The following PTPRG variants were observed in gnomAD, a reference collection of about 807,000 sequenced individuals.
PTPRG encodes protein tyrosine phosphatase receptor type G.
PTPRG carries 102 observed loss-of-function variants against 165.3 expected under a neutral mutation model. The ratio of observed to expected loss-of-function variants is 0.62; its 90% CI spans 0.53 to 0.73. The LOEUF is 0.73. Among genes scored for constraint, PTPRG ranks in the 30% least tolerant of loss-of-function variants. The pLI, the probability that PTPRG is intolerant of heterozygous loss-of-function variation, is 0.00. For missense variants in PTPRG, 1,866 were observed against 1,861.4 expected (o/e 1.00, Z -0.05); for synonymous variants, 675 against 669.5 (o/e 1.01, Z -0.13).
chr3:62,096,961 T>G (rs1702139366), intron 5 of PTPRG, among the ~76,000 whole-genome samples: 1 of 152,206 alleles, frequency 6.6e-6, no homozygotes, highest in Non-Finnish European at 1.5e-5. Flanking sequence ...GTACACAGTT[T>G]ACTAGCCCAT....
chr3:61,662,229 A>T (rs1007210613), intron 1 of PTPRG, among the ~76,000 whole-genome samples: 1 of 152,224 alleles, frequency 6.6e-6, no homozygotes, highest in African/African-American at 2.4e-5. Context: ...CCTGATGAAC[A>T]TAATAAGGTT....
At chr3:62,132,805 A>G (rs903816278) in intron 6 of PTPRG, 137 bp downstream of exon 6, 14 of 800,864 alleles carry the variant, frequency 1.7e-5, no homozygotes, top group Non-Finnish European at 8.7e-6. Context: ...CATTAGAGCC[A>G]TTATATGATG....
At chr3:61,712,183 C>G (rs192906643) in intron 1 of PTPRG, among the ~76,000 whole-genome samples, 1 of 152,044 alleles carries the variant, frequency 6.6e-6, no homozygotes, top group Non-Finnish European at 1.5e-5. Context: ...TGTGAGCCAC[C>G]GCGCCCGGCC....
intron 5 of PTPRG, among the ~76,000 whole-genome samples, chr3:62,126,849 A>T (rs1048062886): frequency 6.6e-6 from 1 of 152,192 alleles, no homozygotes; most frequent in African/African-American, 2.4e-5. Flanking sequence ...GACTTATTTC[A>T]TGGCAGTTTG....
chr3:62,121,110 A>ATTT (rs67168345), intron 5 of PTPRG, among the ~76,000 whole-genome samples: 4 of 141,548 alleles, frequency 2.8e-5, no homozygotes, highest in South Asian at 2.3e-4. Flanking sequence ...AGCCTGGCTA[A>ATTT]TTTTTTTTTT....
At chr3:61,802,700 TCTGA>T (rs2035285185) in intron 2 of PTPRG, among the ~76,000 whole-genome samples, 2 of 152,198 alleles carry the variant, frequency 1.3e-5, no homozygotes, top group Admixed American at 6.5e-5. Flanking sequence ...TTTCTGACTT[TCTGA>T]CTGTCTGTCT....
intron 12 of PTPRG, among the ~76,000 whole-genome samples, chr3:62,209,901 G>A (rs1700317522): frequency 6.6e-6 from 1 of 152,174 alleles, no homozygotes; most frequent in African/African-American, 2.4e-5. Context: ...TGCAGCAGGT[G>A]GCATATTTGG....
At chr3:62,096,853 G>A (rs781601761) in intron 5 of PTPRG, among the ~76,000 whole-genome samples, 1 of 152,124 alleles carries the variant, frequency 6.6e-6, no homozygotes, top group African/African-American at 2.4e-5. Context: ...TAGCTGCATT[G>A]GGCTTTAATG....
At chr3:61,655,999 C>T (rs1702498326) in intron 1 of PTPRG, among the ~76,000 whole-genome samples, 1 of 151,820 alleles carries the variant, frequency 6.6e-6, no homozygotes, top group Non-Finnish European at 1.5e-5. Context: ...AGGATTGCTT[C>T]AGGCCCTGAG....
intron 15 of PTPRG, among the ~76,000 whole-genome samples, chr3:62,244,525 C>G (rs546794719): frequency 6.6e-6 from 1 of 152,286 alleles, no homozygotes; most frequent in East Asian, 1.9e-4. Context: ...TTTTAACTTT[C>G]TACGTCCTGG....
chr3:61,999,202 C>T (rs1016480550), intron 3 of PTPRG, among the ~76,000 whole-genome samples: 2 of 152,084 alleles, frequency 1.3e-5, no homozygotes, highest in Non-Finnish European at 2.9e-5. Flanking sequence ...CCCGCCACCA[C>T]ACCCGGCTAG....
chr3:61,665,158 A>G (rs760900524), intron 1 of PTPRG, among the ~76,000 whole-genome samples: 1 of 152,168 alleles, frequency 6.6e-6, no homozygotes, highest in African/African-American at 2.4e-5. Context: ...GGTAGGGGCT[A>G]ATCTTCACCA....
intron 14 of PTPRG, among the ~76,000 whole-genome samples, chr3:62,231,788 G>A (rs193026138): frequency 4.0e-5 from 6 of 151,736 alleles, no homozygotes; most frequent in Admixed American, 2.6e-4. Context: ...AAACATGGAT[G>A]TACTATGTGT....
chr3:61,782,972 A>G (rs975953716), intron 2 of PTPRG, among the ~76,000 whole-genome samples: 1 of 151,992 alleles, frequency 6.6e-6, no homozygotes, highest in South Asian at 2.1e-4. Context: ...CTGGCTAATT[A>G]AAACAAATTT....
At chr3:62,236,610 A>G (rs1701039400) in intron 14 of PTPRG, among the ~76,000 whole-genome samples, 1 of 152,216 alleles carries the variant, frequency 6.6e-6, no homozygotes, top group African/African-American at 2.4e-5. Flanking sequence ...TCTAGTCTGC[A>G]ATTAGAATTT....
At chr3:61,851,490 A>G (rs1435261753) in intron 2 of PTPRG, among the ~76,000 whole-genome samples, 3 of 151,908 alleles carry the variant, frequency 2.0e-5, no homozygotes, top group African/African-American at 7.2e-5. Flanking sequence ...TAAACTGACC[A>G]ATATATCTCA....
intron 3 of PTPRG, among the ~76,000 whole-genome samples, chr3:61,993,130 A>G (rs2040937416): frequency 6.6e-6 from 1 of 152,124 alleles, no homozygotes; most frequent in Non-Finnish European, 1.5e-5. Context: ...CACATTGAAT[A>G]ATATTGATAG....
At chr3:62,232,425 A>G (rs1471952816) in intron 14 of PTPRG, among the ~76,000 whole-genome samples, 2 of 152,228 alleles carry the variant, frequency 1.3e-5, no homozygotes, top group African/African-American at 4.8e-5. Context: ...AGAAACTGAA[A>G]TAGAAATTTC....
At chr3:61,646,448 C>T (rs542837373) in intron 1 of PTPRG, among the ~76,000 whole-genome samples, 1 of 152,280 alleles carries the variant, frequency 6.6e-6, no homozygotes, top group East Asian at 1.9e-4. Context: ...CCTTCTTTGT[C>T]CAAAACTCTT....
Sources: gnomAD v4.1 joint callset for allele counts (sites outside exome capture counted in the v4.1 genomes callset) on GRCh38, gnomAD v4.1.1 for gene constraint, MANE v1.5 for transcripts, NCBI Gene and HGNC (gene_info 2026-07-23, HGNC 2026-07-21) for gene names.